DLC1: variants seen among roughly 807,000 people sequenced by gnomAD.
DLC1 encodes the protein DLC1 Rho GTPase activating protein.
A neutral mutation model predicts 140.3 loss-of-function variants in DLC1; 54 were observed. The observed-to-expected ratio is 0.38, with a 90% CI of 0.31 to 0.48. The LOEUF (loss-of-function observed/expected upper bound fraction) is 0.48, where lower values mean the gene tolerates loss of function less well. Among genes scored for constraint, DLC1 ranks in the 20% least tolerant of loss-of-function variants. DLC1 has a pLI of 0.96. For missense variants in DLC1, 2,536 were observed against 1,907.0 expected, an observed-to-expected ratio of 1.33 and a Z score of -6.14; for synonymous variants, 986 against 728.1, an observed-to-expected ratio of 1.35 and a Z score of -5.70.
intron 6 of DLC1, among the ~76,000 whole-genome samples, chr8:13,111,424 A>G (rs1197695713): frequency 6.6e-6 from 1 of 152,228 alleles, no homozygotes. Context: ...AGGGCTAGCT[A>G]TGAAGTTGCT....
chr8:13,257,430 C>T (rs555129109), intron 5 of DLC1, among the ~76,000 whole-genome samples: 129 of 127,990 alleles, frequency 1.0e-3, no homozygotes, highest in African/African-American at 3.7e-3. Flanking sequence ...GAGCAATACC[C>T]TGTCTCAGGA....
At chr8:13,176,724 G>T (rs573200640) in intron 5 of DLC1, among the ~76,000 whole-genome samples, 1 of 152,224 alleles carries the variant, frequency 6.6e-6, no homozygotes, top group East Asian at 1.9e-4. Context: ...TATGTTACAC[G>T]GCAATGAAGA....
intron 2 of DLC1, among the ~76,000 whole-genome samples, chr8:13,433,525 A>G (rs1046609944): frequency 2.6e-5 from 4 of 152,248 alleles, no homozygotes; most frequent in African/African-American, 9.6e-5. Flanking sequence ...AAATGTTTAA[A>G]AAGTGATAAA....
chr8:13,533,913 C>T (rs899136251), intron 1 of DLC1, among the ~76,000 whole-genome samples: 4 of 152,132 alleles, frequency 2.6e-5, no homozygotes, highest in Non-Finnish European at 4.4e-5. Context: ...CTCATTCCAC[C>T]GTGACTGTAA....
chr8:13,387,699 C>A (rs1050837015), intron 4 of DLC1, among the ~76,000 whole-genome samples: 1 of 151,970 alleles, frequency 6.6e-6, no homozygotes, highest in African/African-American at 2.4e-5. Flanking sequence ...GGAACAAATG[C>A]AAATGACATT....
At chr8:13,385,945 G>A (rs1414373211) in intron 4 of DLC1, among the ~76,000 whole-genome samples, 1 of 152,158 alleles carries the variant, frequency 6.6e-6, no homozygotes, top group Non-Finnish European at 1.5e-5. Context: ...TGAATAAAGT[G>A]AAGACTGTGA....
At chr8:13,262,897 T>C (rs1266194371) in intron 5 of DLC1, among the ~76,000 whole-genome samples, 6 of 152,228 alleles carry the variant, frequency 3.9e-5, no homozygotes, top group African/African-American at 1.4e-4. Flanking sequence ...TCACTAGTTA[T>C]GAATCTCTCT....
At chr8:13,440,349 G>T (rs289624) in intron 2 of DLC1, among the ~76,000 whole-genome samples, 268 of 152,158 alleles carry the variant, frequency 1.8e-3, no homozygotes, top group African/African-American at 6.0e-3. Context: ...AATACAAGCT[G>T]CTTTTATTAT....
chr8:13,593,033 G>C (rs567174374), intron 1 of DLC1, among the ~76,000 whole-genome samples: 2 of 151,994 alleles, frequency 1.3e-5, no homozygotes, highest in Admixed American at 1.3e-4. Flanking sequence ...TAGCTTTGGC[G>C]TATGAATAAG....
At chr8:13,189,884 G>GA (rs55980575) in intron 5 of DLC1, among the ~76,000 whole-genome samples, 12 of 148,972 alleles carry the variant, frequency 8.1e-5, no homozygotes, top group Non-Finnish European at 1.2e-4. Flanking sequence ...CTCCATCCCA[G>GA]AAAAAAAAAA....
At chr8:13,239,071 T>A (rs1322915702) in intron 5 of DLC1, among the ~76,000 whole-genome samples, 1 of 152,136 alleles carries the variant, frequency 6.6e-6, no homozygotes, top group Non-Finnish European at 1.5e-5. Flanking sequence ...CTTTCTTGCT[T>A]TATATAAAAA....
chr8:13,513,324 T>C (rs1802460048), intron 1 of DLC1, among the ~76,000 whole-genome samples: 1 of 152,196 alleles, frequency 6.6e-6, no homozygotes, highest in South Asian at 2.1e-4. Context: ...CTTCCACATA[T>C]ATAAAAAGTA....
chr8:13,322,942 G>C (rs1833183754), intron 4 of DLC1, among the ~76,000 whole-genome samples: 1 of 152,144 alleles, frequency 6.6e-6, no homozygotes, highest in Admixed American at 6.5e-5. Flanking sequence ...TGGAAGGTTT[G>C]TGCTGGGGAA....
intron 4 of DLC1, among the ~76,000 whole-genome samples, chr8:13,321,626 C>T (rs1327344171): frequency 1.3e-5 from 2 of 150,848 alleles, no homozygotes; most frequent in African/African-American, 2.4e-5. Flanking sequence ...TGTAATGAAG[C>T]CTTGTCCTCT....
chr8:13,331,205 A>T (rs1833573238), intron 4 of DLC1, among the ~76,000 whole-genome samples: 1 of 152,176 alleles, frequency 6.6e-6, no homozygotes, highest in African/African-American at 2.4e-5. Flanking sequence ...CAAACTTTTA[A>T]TTCAATTTTT....
chr8:13,092,630 C>T lies in DLC1; in HGVS notation c.3722G>A (p.Arg1241Lys), dbSNP rs1818170712. ...PSLFHLNTLK[R>K]ENSSPRVMQR... Reference sequence around the variant, plus strand: ...CCCGTACCTGGGAGAGGAATTCTCTCTCTTCAGGGTGTTGAGATGGAAGAG... The same window carrying T: ...CCCGTACCTGGGAGAGGAATTCTCTTTCTTCAGGGTGTTGAGATGGAAGAG... Residue 1241 changes from arginine (R) to lysine (K), a missense_variant, in exon 13 of 18, where the codon AGA becomes AAA. By Grantham distance (26) the Arg-to-Lys change is conservative. Transcript: ENST00000276297. The T allele has an allele frequency of 6.2e-7, 1 of 1,614,064 alleles. No individual in the cohort carries two copies. The highest frequency in any genetic ancestry group is 1.7e-5 in the Admixed American group (1 of 60,004).
In DLC1 at chr8:13,090,124, C is replaced by T. The variant is rs1585572288; in HGVS notation, c.4074+128G>A. On this transcript the variant is annotated intron_variant, in intron 15 of 17. Transcript: ENST00000276297. ...ACGGGGATCTTACTCACCCCGGTGCCCAGCTCTACAAGGGAGGTTGTGGGC... is the reference window on the plus strand; with the variant it reads ...ACGGGGATCTTACTCACCCCGGTGCTCAGCTCTACAAGGGAGGTTGTGGGC... 3.6e-6 allele frequency: 3 copies of T among 831,786 alleles called. No individual in the cohort carries two copies. In the East Asian group the frequency reaches 7.9e-5, roughly 22 times the overall value. The allele number at this position is 831,786 out of a possible 1,614,324, so 51.5% of individuals were successfully genotyped here.
At chr8:13,302,102 G>C (rs1832222762) in intron 5 of DLC1, among the ~76,000 whole-genome samples, 1 of 152,218 alleles carries the variant, frequency 6.6e-6, no homozygotes, top group Non-Finnish European at 1.5e-5. Flanking sequence ...TTCTGTCTCA[G>C]ATCCTAAGAA....
intron 1 of DLC1, among the ~76,000 whole-genome samples, chr8:13,526,805 G>C (rs1201446542): frequency 1.3e-5 from 2 of 152,086 alleles, no homozygotes; most frequent in Non-Finnish European, 2.9e-5. Context: ...ATAGCATTAG[G>C]AGATATACCT....
Sources: gnomAD v4.1 joint callset for allele counts (sites outside exome capture counted in the v4.1 genomes callset) on GRCh38, gnomAD v4.1.1 for gene constraint, MANE v1.5 for transcripts, NCBI Gene and HGNC (gene_info 2026-07-23, HGNC 2026-07-21) for gene names.